The following NRXN1 variants were observed in gnomAD, a reference collection of about 807,000 sequenced individuals.
NRXN1 encodes neurexin 1.
A neutral mutation model predicts 150.9 loss-of-function variants in NRXN1; 39 were observed. That is an observed-to-expected ratio of 0.26 (90% confidence interval 0.20 to 0.34). The LOEUF (loss-of-function observed/expected upper bound fraction) is 0.34. Ranked by LOEUF, NRXN1 falls within the 10% of genes least tolerant of loss-of-function variation. The pLI is 1.00. For synonymous variants in NRXN1, 924 were observed against 757.0 expected, an observed-to-expected ratio of 1.22 and a Z score of -3.62; for missense variants, 1,815 against 1,949.9, an observed-to-expected ratio of 0.93 and a Z score of 1.30.
intron 8 of NRXN1, among the ~76,000 whole-genome samples, chr2:50,555,611 G>A (rs1303563403): frequency 1.3e-5 from 2 of 152,138 alleles, no homozygotes; most frequent in African/African-American, 4.8e-5. Context: ...GGCTGGCACA[G>A]AGTAGATGCT....
rs755527477 is a variant in NRXN1 at position 50,921,852 on chromosome 2, A to G, written c.832+17T>C. On this transcript the variant is annotated intron_variant, in intron 5 of 22. Transcript: ENST00000401669. ...TTCATACAGATGATATTAAGAAGAA[A>G]TAAAATAATGTAATACCTTTACTTT... The G allele has an allele frequency of 3.1e-6, 4 of 1,283,176 alleles. No individual in the cohort carries two copies. The highest frequency in any genetic ancestry group is 4.2e-6 in the Non-Finnish European group (4 of 948,460). The allele number at this position is 1,283,176 out of a possible 1,614,324, so 79.5% of individuals were successfully genotyped here.
intron 2 of NRXN1, among the ~76,000 whole-genome samples, chr2:50,954,912 G>T (rs771625201): frequency 6.6e-6 from 1 of 152,148 alleles, no homozygotes; most frequent in Non-Finnish European, 1.5e-5. Context: ...GGAGAGATTG[G>T]TGTACAGCAT....
chr2:50,404,734 A>G (rs1416147606), intron 17 of NRXN1, among the ~76,000 whole-genome samples: 1 of 152,152 alleles, frequency 6.6e-6, no homozygotes, highest in Admixed American at 6.6e-5. Flanking sequence ...TATGTTTCCA[A>G]TCACTAAAGT....
chr2:50,068,832 T>A (rs1372970543), intron 19 of NRXN1, among the ~76,000 whole-genome samples: 3 of 152,186 alleles, frequency 2.0e-5, no homozygotes, highest in Admixed American at 2.0e-4. Context: ...GGAAAATAAA[T>A]CTATTATCTT....
intron 17 of NRXN1, among the ~76,000 whole-genome samples, chr2:50,394,364 C>T (rs868625246): frequency 4.1e-4 from 62 of 152,236 alleles, no homozygotes; most frequent in African/African-American, 1.5e-3. Context: ...ACTCCAACCT[C>T]CCCCAAAGGA....
intron 2 of NRXN1, among the ~76,000 whole-genome samples, chr2:50,982,502 A>C (rs1055759438): frequency 1.3e-5 from 2 of 152,108 alleles, no homozygotes; most frequent in Admixed American, 6.6e-5. Flanking sequence ...CATATTACTA[A>C]CATTAACACA....
intron 18 of NRXN1, among the ~76,000 whole-genome samples, chr2:50,141,683 C>T (rs13016084): frequency 0.31 from 47,768 of 151,820 alleles, 7,910 homozygotes; most frequent in Non-Finnish European, 0.36. Flanking sequence ...GACATACAAA[C>T]AGCCAACAGG....
At chr2:50,302,571 G>T (rs1474395377) in intron 17 of NRXN1, among the ~76,000 whole-genome samples, 2 of 152,078 alleles carry the variant, frequency 1.3e-5, no homozygotes, top group Admixed American at 1.3e-4. Context: ...TTTGGAAAGC[G>T]TGTTGCAGTT....
intron 2 of NRXN1, chr2:50,985,455 G>A (rs544915340): frequency 2.4e-4 from 37 of 151,822 alleles, no homozygotes; most frequent in Non-Finnish European, 1.5e-5. Flanking sequence ...ATGGCTTCAA[G>A]CAGAAAATTC....
At chr2:50,258,717 T>A (rs777593484) in intron 17 of NRXN1, among the ~76,000 whole-genome samples, 3 of 152,048 alleles carry the variant, frequency 2.0e-5, no homozygotes, top group Non-Finnish European at 4.4e-5. Context: ...GGAATCACTA[T>A]CTATGGCAGT....
In NRXN1 at chr2:50,885,820, A is replaced by AACACACACACACACAC. The variant is rs57614861; in HGVS notation, c.832+36033_832+36048dup. Among the ~76,000 whole-genome samples, 302 of 143,848 alleles carry AACACACACACACACAC rather than the reference A, an allele frequency of 2.1e-3. 1 individual carries two copies. The highest frequency in any genetic ancestry group is 7.1e-3 in the Middle Eastern group (2 of 280). The allele number at this position is 143,848 out of a possible 152,430, so 94.4% of individuals were successfully genotyped here. On this transcript the variant is annotated intron_variant, in intron 5 of 22. Transcript: ENST00000401669. The stretch of plus-strand genomic sequence containing the variant: ...TGTCTAAATCGTAAATATTTCTATA[A>AACACACACACACACAC]ACACACACACACACACACACACACA...
At chr2:50,153,402 T>G (rs1019295763) in intron 18 of NRXN1, among the ~76,000 whole-genome samples, 7 of 151,674 alleles carry the variant, frequency 4.6e-5, no homozygotes, top group East Asian at 1.9e-4. Context: ...TAATTTTTTT[T>G]TTGTTGAAAA....
chr2:50,680,882 C>A (rs947545989), intron 5 of NRXN1, among the ~76,000 whole-genome samples: 21 of 152,202 alleles, frequency 1.4e-4, no homozygotes, highest in African/African-American at 5.1e-4. Context: ...TCTCATTTAT[C>A]TCCCAGGCAA....
chr2:50,472,723 A>C (rs1456597927), intron 15 of NRXN1, among the ~76,000 whole-genome samples: 1 of 151,344 alleles, frequency 6.6e-6, no homozygotes, highest in Non-Finnish European at 1.5e-5. Flanking sequence ...AATTGAAGGA[A>C]TGTGGGCTAG....
At chr2:50,061,471 T>C (rs1694525722) in intron 19 of NRXN1, among the ~76,000 whole-genome samples, 1 of 152,174 alleles carries the variant, frequency 6.6e-6, no homozygotes, top group African/African-American at 2.4e-5. Flanking sequence ...CCCTGAAAAT[T>C]CAAATCAAAA....
intron 2 of NRXN1, among the ~76,000 whole-genome samples, chr2:50,953,302 T>C (rs1292205241): frequency 1.3e-5 from 2 of 152,204 alleles, no homozygotes. Context: ...ATGAGGTTGT[T>C]ACAACATAAT....
intron 17 of NRXN1, among the ~76,000 whole-genome samples, chr2:50,419,050 G>A (rs924838735): frequency 1.3e-5 from 2 of 151,876 alleles, no homozygotes; most frequent in Admixed American, 1.3e-4. Flanking sequence ...ACACAATTGA[G>A]GAAGGGGCCA....
intron 17 of NRXN1, among the ~76,000 whole-genome samples, chr2:50,354,554 C>CATATAT (rs71404946): frequency 0.05 from 4,941 of 99,722 alleles, 165 homozygotes; most frequent in African/African-American, 0.075. Context: ...AGAGTGCATA[C>CATATAT]ATATATATAT....
At chr2:50,475,871 G>A (rs1431509077) in intron 15 of NRXN1, among the ~76,000 whole-genome samples, 1 of 95,742 alleles carries the variant, frequency 1.0e-5, no homozygotes, top group Non-Finnish European at 2.2e-5. Flanking sequence ...GAAGTGACGG[G>A]TTTAAAAAAA....
Sources: gnomAD v4.1 joint callset for allele counts (sites outside exome capture counted in the v4.1 genomes callset) on GRCh38, gnomAD v4.1.1 for gene constraint, MANE v1.5 for transcripts, NCBI Gene and HGNC (gene_info 2026-07-23, HGNC 2026-07-21) for gene names.